Variants in FMNL2 observed in about 807,000 individuals in gnomAD.
FMNL2 encodes formin like 2.
FMNL2 carries 51 observed loss-of-function variants against 130.2 expected under a neutral mutation model. The observed-to-expected ratio is 0.39, with a 90% CI of 0.31 to 0.49. The LOEUF is 0.49. Among genes scored for constraint, FMNL2 ranks in the 20% least tolerant of loss-of-function variants. The pLI is 0.85. For synonymous variants in FMNL2, 465 were observed against 467.1 expected, an observed-to-expected ratio of 1.00 and a Z score of 0.06; for missense variants, 977 against 1,316.2, an observed-to-expected ratio of 0.74 and a Z score of 3.99.
chr2:152,356,977 G>C (rs1024818262), intron 1 of FMNL2, among the ~76,000 whole-genome samples: 7 of 148,526 alleles, frequency 4.7e-5, no homozygotes, highest in African/African-American at 1.7e-4. Flanking sequence ...TATTAAATAA[G>C]TTTAATATAT....
intron 1 of FMNL2, among the ~76,000 whole-genome samples, chr2:152,408,577 C>T (rs966201915): frequency 4.6e-5 from 7 of 152,052 alleles, no homozygotes; most frequent in South Asian, 2.1e-4. Flanking sequence ...CCTAGACTTA[C>T]GGGTTTTTTT....
intron 9 of FMNL2, among the ~76,000 whole-genome samples, chr2:152,590,556 G>T (rs1036448615): frequency 5.3e-5 from 8 of 152,042 alleles, no homozygotes; most frequent in Admixed American, 4.6e-4. Flanking sequence ...AGAGGTTGCA[G>T]TGAGTCGAGA....
intron 1 of FMNL2, among the ~76,000 whole-genome samples, chr2:152,521,331 G>A (rs1211708617): frequency 2.6e-5 from 4 of 152,190 alleles, no homozygotes; most frequent in Non-Finnish European, 2.9e-5. Context: ...TTTGCCTCAT[G>A]ATTAATTTCC....
intron 1 of FMNL2, among the ~76,000 whole-genome samples, chr2:152,348,931 T>C (rs1401045934): frequency 7.9e-6 from 1 of 127,034 alleles, no homozygotes; most frequent in Non-Finnish European, 1.7e-5. Flanking sequence ...GCTTCCCGGG[T>C]TCACGCCATT....
chr2:152,411,659 C>G (rs147943412), intron 1 of FMNL2, among the ~76,000 whole-genome samples: 256 of 152,310 alleles, frequency 1.7e-3, no homozygotes, highest in African/African-American at 5.9e-3. Context: ...TTTGTTCATT[C>G]TATTAGCTAG....
At chr2:152,564,065 C>T (rs1041621538) in intron 6 of FMNL2, among the ~76,000 whole-genome samples, 1 of 152,078 alleles carries the variant, frequency 6.6e-6, no homozygotes, top group Admixed American at 6.6e-5. Context: ...AAGCCTGCTG[C>T]CTTTTAAACT....
At chr2:152,530,555 C>T (rs1387305585) in intron 2 of FMNL2, among the ~76,000 whole-genome samples, 3 of 152,154 alleles carry the variant, frequency 2.0e-5, no homozygotes, top group Non-Finnish European at 4.4e-5. Context: ...CCTTGTGAAG[C>T]GTGATGTGCT....
chr2:152,350,406 T>G (rs903591217), intron 1 of FMNL2, among the ~76,000 whole-genome samples: 17 of 152,164 alleles, frequency 1.1e-4, no homozygotes, highest in African/African-American at 4.1e-4. Flanking sequence ...ATAGGTGGTT[T>G]TGTGTAGTCA....
intron 2 of FMNL2, among the ~76,000 whole-genome samples, chr2:152,534,301 C>A (rs1693866009): frequency 6.6e-6 from 1 of 152,140 alleles, no homozygotes; most frequent in Non-Finnish European, 1.5e-5. Context: ...GTTTCACTGA[C>A]AATAAAACCG....
At chr2:152,616,038 T>A (rs1179112514) in intron 12 of FMNL2, among the ~76,000 whole-genome samples, 1 of 152,192 alleles carries the variant, frequency 6.6e-6, no homozygotes, top group Non-Finnish European at 1.5e-5. Flanking sequence ...CTTAGAAGAT[T>A]TGTGTTATAT....
intron 1 of FMNL2, among the ~76,000 whole-genome samples, chr2:152,349,920 G>T (rs4664101): frequency 0.092 from 13,869 of 151,262 alleles, 737 homozygotes; most frequent in African/African-American, 0.15. Context: ...AGCGTTTACT[G>T]TGTGCCAGGC....
chr2:152,632,181 C>A lies in FMNL2; in HGVS notation c.2680+44C>A, dbSNP rs772420531. 5 of 1,584,956 alleles carry A rather than the reference C, an allele frequency of 3.2e-6. No homozygotes were observed. In the East Asian group the frequency reaches 9.0e-5, roughly 28 times the overall value. On this transcript the variant is annotated intron_variant, in intron 21 of 25. Transcript: ENST00000288670. ...TACCGTTCGTCTTGGGTATTTAATG[C>A]CTTTAATTGTGGTGGAGCCATTCCC...
At chr2:152,338,845 A>T (rs1179092118) in intron 1 of FMNL2, among the ~76,000 whole-genome samples, 2 of 151,940 alleles carry the variant, frequency 1.3e-5, no homozygotes, top group East Asian at 3.8e-4. Context: ...ACACACACAC[A>T]CACACACATA....
intron 3 of FMNL2, among the ~76,000 whole-genome samples, chr2:152,543,728 CCA>C (rs1694450440): frequency 3.4e-5 from 1 of 29,160 alleles, no homozygotes; most frequent in African/African-American, 1.1e-4. Context: ...CACCCCCCGA[CCA>C]AAAAAAAAAA....
At chr2:152,364,261 G>GTTTTTT (rs869062341) in intron 1 of FMNL2, among the ~76,000 whole-genome samples, 10 of 24,462 alleles carry the variant, frequency 4.1e-4, no homozygotes, top group African/African-American at 1.3e-3. Flanking sequence ...AGGTTTGTGT[G>GTTTTTT]TTTTTTTTTT....
chr2:152,446,128 CA>C (rs1168618691), intron 1 of FMNL2, among the ~76,000 whole-genome samples: 4 of 152,172 alleles, frequency 2.6e-5, no homozygotes, highest in Non-Finnish European at 4.4e-5. Context: ...TTATCTTTGC[CA>C]AGCTCATACT....
intron 2 of FMNL2, among the ~76,000 whole-genome samples, chr2:152,539,872 A>G (rs1465576497): frequency 6.6e-6 from 1 of 152,166 alleles, no homozygotes; most frequent in Non-Finnish European, 1.5e-5. Flanking sequence ...TTATTATTGT[A>G]AAAATAAAAT....
At chr2:152,359,964 T>C (rs1683065091) in intron 1 of FMNL2, among the ~76,000 whole-genome samples, 1 of 152,206 alleles carries the variant, frequency 6.6e-6, no homozygotes, top group African/African-American at 2.4e-5. Flanking sequence ...TACTCTGTCC[T>C]CTTTTGTCGA....
intron 1 of FMNL2, among the ~76,000 whole-genome samples, chr2:152,372,568 T>G (rs1313839640): frequency 6.6e-6 from 1 of 152,196 alleles, no homozygotes; most frequent in Non-Finnish European, 1.5e-5. Flanking sequence ...GCTTTCTGTG[T>G]GTTAATGGAG....
Sources: gnomAD v4.1 joint callset for allele counts (sites outside exome capture counted in the v4.1 genomes callset) on GRCh38, gnomAD v4.1.1 for gene constraint, MANE v1.5 for transcripts, NCBI Gene and HGNC (gene_info 2026-07-23, HGNC 2026-07-21) for gene names.